PLCH1: variants seen among roughly 807,000 people sequenced by gnomAD.
PLCH1 encodes the protein phospholipase C eta 1.
In PLCH1, 60 loss-of-function variants were observed where a neutral mutation model predicts 126.7. That is an observed-to-expected ratio of 0.47 (90% confidence interval 0.38 to 0.59). The LOEUF is 0.59. Ranked by LOEUF, PLCH1 falls within the 20% of genes least tolerant of loss-of-function variation. The pLI is 0.00. For synonymous variants in PLCH1, 719 were observed against 734.9 expected (o/e 0.98, Z 0.35); for missense variants, 1,723 against 2,040.0 (o/e 0.84, Z 2.99).
intron 4 of PLCH1, among the ~76,000 whole-genome samples, chr3:155,587,936 T>A (rs2108615815): frequency 6.6e-6 from 1 of 152,214 alleles, no homozygotes; most frequent in East Asian, 1.9e-4. Context: ...AGGAAAAGAA[T>A]AAGGTGATAG....
chr3:155,554,164 C>G lies in PLCH1; in HGVS notation c.1102G>C (p.Val368Leu), dbSNP rs201852411. Reference protein sequence around the residue: ...DCWDGPDGEPVVHHGYTLTSK... With the variant: ...DCWDGPDGEPLVHHGYTLTSK... The stretch of plus-strand genomic sequence containing the variant: ...GTGAGAGTGTAACCATGATGTACTA[C>G]TGGCTCTCCATCTGGGCCATCCCAA... The change falls in exon 9 of 23, where the codon GTA becomes CTA. Residue 368 changes from valine to leucine, a missense_variant. Physicochemically the swap from Val to Leu is conservative, Grantham distance 32 (BLOSUM62 1). Transcript: ENST00000460012. The G allele has an allele frequency of 3.8e-5, 62 of 1,613,756 alleles. No individual in the cohort carries two copies. The highest frequency in any genetic ancestry group is 4.7e-5 in the Non-Finnish European group (55 of 1,179,720).
Position 155,480,808 on chromosome 3 carries a change from A to C in PLCH1, c.*160T>G. 1 of 631,330 alleles carries C rather than the reference A, an allele frequency of 1.6e-6. No individual in the cohort carries two copies. Among genetic ancestry groups the C allele is most frequent in the East Asian group, 2.6e-5 (1 of 38,266 alleles). The allele number at this position is 631,330 out of a possible 1,614,324, so 39.1% of individuals were successfully genotyped here. On this transcript the variant is annotated 3_prime_UTR_variant, in exon 23 of 23. Coordinates refer to ENST00000460012, the MANE Select transcript of PLCH1 (RefSeq NM_014996.4). The stretch of plus-strand genomic sequence containing the variant: ...GGGAAATGTCACCAAATCTATATAC[A>C]AACGCATTAACAGGGAGAACACATG...
At chr3:155,607,036 G>T (rs1734456290) in intron 2 of PLCH1, among the ~76,000 whole-genome samples, 1 of 152,080 alleles carries the variant, frequency 6.6e-6, no homozygotes, top group Non-Finnish European at 1.5e-5. Context: ...TGCTTTTCCT[G>T]GACAAAATGG....
rs1245237052 is a variant in PLCH1, at chr3:155,470,206, A to G, written c.2938+15150T>C. Among the ~76,000 whole-genome samples, 3 of 151,894 alleles carry G rather than the reference A, an allele frequency of 2.0e-5. No homozygotes were observed. In the East Asian group the frequency reaches 5.8e-4, roughly 29 times the overall value. On this transcript the variant is annotated intron_variant, in intron 21 of 21. Coordinates refer to the PLCH1 transcript ENST00000494598. Reference sequence around the variant, plus strand: ...AAATTTAGAAGAATGTATAACTAGAATAACCAATACAGAGAAGTGCTTAAA... The same window carrying G: ...AAATTTAGAAGAATGTATAACTAGAGTAACCAATACAGAGAAGTGCTTAAA...
At chr3:155,630,076 T>A (rs1291835135) in intron 2 of PLCH1, among the ~76,000 whole-genome samples, 1 of 152,206 alleles carries the variant, frequency 6.6e-6, no homozygotes, top group African/African-American at 2.4e-5. Flanking sequence ...AAATGTTTTA[T>A]CATCCCATGA....
chr3:155,650,199 G>A (rs747344199), intron 2 of PLCH1, among the ~76,000 whole-genome samples: 10 of 151,976 alleles, frequency 6.6e-5, no homozygotes, highest in Non-Finnish European at 1.5e-4. Context: ...TGTCACAACA[G>A]TCCTATGAGA....
intron 2 of PLCH1, among the ~76,000 whole-genome samples, chr3:155,601,955 T>C (rs556515911): frequency 1.3e-5 from 2 of 152,268 alleles, no homozygotes; most frequent in Non-Finnish European, 2.9e-5. Context: ...TATGCAGTCT[T>C]TTGTGCTTGG....
chr3:155,668,707 A>T (rs1045790701), intron 2 of PLCH1, among the ~76,000 whole-genome samples: 1 of 152,168 alleles, frequency 6.6e-6, no homozygotes, highest in Non-Finnish European at 1.5e-5. Flanking sequence ...AGCCTGGCCA[A>T]CATGGTGAAA....
At chr3:155,658,838 AATTG>A (rs1741750529) in intron 2 of PLCH1, among the ~76,000 whole-genome samples, 1 of 152,222 alleles carries the variant, frequency 6.6e-6, no homozygotes, top group Admixed American at 6.5e-5. Context: ...TCACACATAT[AATTG>A]TACTCTTTGT....
rs760547943 is a variant in PLCH1 at position 155,458,496 on chromosome 3, A to AG, written c.2938+26859_2938+26860insC. Among the ~76,000 whole-genome samples, 17 of 88,264 alleles carry AG rather than the reference A, an allele frequency of 1.9e-4. 2 individuals carry two copies. The highest frequency in any genetic ancestry group is 1.6e-3 in the African/African-American group (16 of 10,050). The allele number at this position is 88,264 out of a possible 152,430, so 57.9% of individuals were successfully genotyped here. A position where few individuals can be genotyped will look rare whatever the true frequency, so the allele number is the denominator to read the frequency against. On this transcript the variant is annotated intron_variant, in intron 21 of 21. Coordinates refer to the PLCH1 transcript ENST00000494598. ...AAAGAAAGAAAGAAAGAAAGAAAGA[A>AG]AGAGAAAGAAGAGAGAGAAATAAGA...
chr3:155,474,021 G>A (rs1242928853), intron 21 of PLCH1, among the ~76,000 whole-genome samples: 1 of 152,006 alleles, frequency 6.6e-6, no homozygotes, highest in African/African-American at 2.4e-5. Flanking sequence ...CATGGGCAAG[G>A]ACTTCATGTC....
chr3:155,521,793 T>C (rs546602078), intron 11 of PLCH1, among the ~76,000 whole-genome samples: 1 of 152,286 alleles, frequency 6.6e-6, no homozygotes, highest in Non-Finnish European at 1.5e-5. Context: ...TTGAAATATT[T>C]CTCCAATGTT....
chr3:155,527,333 C>A (rs1722083378), intron 10 of PLCH1, among the ~76,000 whole-genome samples: 1 of 152,198 alleles, frequency 6.6e-6, no homozygotes, highest in African/African-American at 2.4e-5. Context: ...AGTATTCCTG[C>A]TCTGCACAGC....
intron 4 of PLCH1, among the ~76,000 whole-genome samples, chr3:155,588,088 A>G (rs1731619243): frequency 6.6e-6 from 1 of 152,190 alleles, no homozygotes; most frequent in Non-Finnish European, 1.5e-5. Context: ...AGAAGATTAT[A>G]CCTCAGAAAG....
Position 155,584,071 on chromosome 3 carries a change from T to A in PLCH1, c.601-429A>T, listed in dbSNP as rs190508114. Reference sequence around the variant, plus strand: ...AAAGATTTTAAAAAGAAGTTAATAATTCAACTCAAAAAATGTGAAACAAAA... The same window carrying A: ...AAAGATTTTAAAAAGAAGTTAATAAATCAACTCAAAAAATGTGAAACAAAA... On this transcript the variant is annotated intron_variant, in intron 5 of 22. Coordinates refer to ENST00000460012, the MANE Select transcript of PLCH1 (RefSeq NM_014996.4). Among the ~76,000 whole-genome samples the A allele has an allele frequency of 1.5e-3, 225 of 152,082 alleles. 1 individual carries two copies. The highest frequency in any genetic ancestry group is 3.4e-3 in the Middle Eastern group (1 of 294).
At chr3:155,707,562 G>A (rs756078175) in intron 1 of PLCH1, among the ~76,000 whole-genome samples, 54 of 151,618 alleles carry the variant, frequency 3.6e-4, no homozygotes, top group Non-Finnish European at 5.6e-4. Context: ...GGGGGTGGGC[G>A]CCTGTAATCC....
At chr3:155,615,328 T>C (rs1430713511) in intron 2 of PLCH1, among the ~76,000 whole-genome samples, 1 of 152,188 alleles carries the variant, frequency 6.6e-6, no homozygotes, top group East Asian at 1.9e-4. Context: ...AGTTCTACCC[T>C]GCTGGTTGGA....
intron 21 of PLCH1, among the ~76,000 whole-genome samples, chr3:155,451,411 C>CA (rs1207682876): frequency 6.6e-6 from 1 of 152,142 alleles, no homozygotes; most frequent in African/African-American, 2.4e-5. Flanking sequence ...AGTAATTAGA[C>CA]AAAATGTCAT....
chr3:155,455,096 G>A (rs1450068385), intron 21 of PLCH1, among the ~76,000 whole-genome samples: 1 of 152,142 alleles, frequency 6.6e-6, no homozygotes, highest in Non-Finnish European at 1.5e-5. Context: ...ATACTATTAT[G>A]TGTTAATATA....
Sources: allele counts gnomAD v4.1 joint callset (sites outside exome capture counted in the v4.1 genomes callset), GRCh38; gene constraint gnomAD v4.1.1; transcripts MANE v1.5; gene names NCBI Gene and HGNC (gene_info 2026-07-23, HGNC 2026-07-21).